Variants in SLC29A3 observed in about 807,000 individuals in gnomAD.
SLC29A3 encodes the protein solute carrier family 29 member 3.
Under a neutral mutation model 25.4 loss-of-function variants are expected in SLC29A3, and 18 were observed. The ratio of observed to expected loss-of-function variants is 0.71; its 90% CI spans 0.49 to 1.05. The LOEUF (loss-of-function observed/expected upper bound fraction) is 1.05. Ranked by LOEUF, SLC29A3 falls within the 50% of genes least tolerant of loss-of-function variation. The probability of loss-of-function intolerance (pLI) is 0.00; values close to 1 mark genes in which losing one functional copy is unlikely to be tolerated. For missense variants in SLC29A3, 586 were observed against 609.0 expected (o/e 0.96, Z 0.40); for synonymous variants, 258 against 267.1 (o/e 0.97, Z 0.33).
At chr10:71,356,922 A>G (rs1049945552) in intron 5 of SLC29A3, among the ~76,000 whole-genome samples, 5 of 152,226 alleles carry the variant, frequency 3.3e-5, no homozygotes, top group African/African-American at 1.2e-4. Flanking sequence ...TGCACAGATT[A>G]GAAAACCAGG....
At chr10:71,354,752 T>C (rs780679) in intron 4 of SLC29A3, among the ~76,000 whole-genome samples, 106,123 of 151,972 alleles carry the variant, frequency 0.7, 37,938 homozygotes, top group Non-Finnish European at 0.78. Flanking sequence ...AGCTCATCCA[T>C]CAGGCCCTTC....
chr10:71,346,315 C>T (rs1846579214), intron 3 of SLC29A3, among the ~76,000 whole-genome samples: 1 of 152,188 alleles, frequency 6.6e-6, no homozygotes, highest in South Asian at 2.1e-4. Context: ...ACCCTCACGG[C>T]AGCCTAAGAG....
chr10:71,344,981 G>T (rs1050746426), intron 3 of SLC29A3, among the ~76,000 whole-genome samples: 1 of 152,160 alleles, frequency 6.6e-6, no homozygotes, highest in Non-Finnish European at 1.5e-5. Flanking sequence ...GTCACTGATA[G>T]CAAATCTGTT....
At chr10:71,354,852 C>T (rs1846855978) in intron 4 of SLC29A3, among the ~76,000 whole-genome samples, 1 of 152,200 alleles carries the variant, frequency 6.6e-6, no homozygotes, top group African/African-American at 2.4e-5. Flanking sequence ...CTGTGATGAA[C>T]AGGACAAGTG....
At chr10:71,355,859 G>A (rs1452370609) in intron 4 of SLC29A3, among the ~76,000 whole-genome samples, 1 of 152,256 alleles carries the variant, frequency 6.6e-6, no homozygotes, top group Non-Finnish European at 1.5e-5. Flanking sequence ...AAGTCCAGCA[G>A]AGGGAGGGGA....
chr10:71,362,382 G>A lies in SLC29A3; in HGVS notation c.1202G>A (p.Arg401His), dbSNP rs199861210. The change falls in exon 6 of 6, where the codon CGC becomes CAC. Residue 401 changes from arginine (R) to histidine (H), a missense_variant. Arg to His is a conservative substitution (Grantham distance 29). Transcript: ENST00000373189. ...TTCGTGCTCTGTAACTACCAGCCCC[G>A]CGTCCACCTGAAGACTGTGGTCTTC... ...PLFVLCNYQP[R>H]VHLKTVVFQS... 484 of 1,614,102 alleles carry A rather than the reference G, an allele frequency of 3.0e-4. No individual in the cohort carries two copies. Among genetic ancestry groups the A allele is most frequent in the Non-Finnish European group, 3.6e-4 (428 of 1,180,024 alleles).
intron 1 of SLC29A3, 139 bp from the exon 2 acceptor site, chr10:71,322,617 C>G: frequency 1.0e-6 from 1 of 997,958 alleles, no homozygotes; most frequent in Non-Finnish European, 1.6e-6. Context: ...ATGAAGCTCT[C>G]CAACCAGGCT....
chr10:71,349,783 C>T (rs1846702385), intron 3 of SLC29A3, among the ~76,000 whole-genome samples: 2 of 152,154 alleles, frequency 1.3e-5, no homozygotes, highest in Admixed American at 6.5e-5. Flanking sequence ...CTGAACATGC[C>T]TCACTCTCTC....
intron 4 of SLC29A3, among the ~76,000 whole-genome samples, chr10:71,354,182 G>C (rs1317226010): frequency 6.6e-6 from 1 of 152,180 alleles, no homozygotes; most frequent in Admixed American, 6.5e-5. Flanking sequence ...TCCGCACCAG[G>C]CAGGCTTCTG....
In SLC29A3 at chr10:71,351,662, C is replaced by G; in HGVS notation, c.484C>G (p.Arg162Gly). 4 of 1,614,168 alleles carry G rather than the reference C, an allele frequency of 2.5e-6. No homozygotes were observed. Among genetic ancestry groups the G allele is most frequent in the Non-Finnish European group, 1.7e-6 (2 of 1,179,996 alleles). ...GAAGGTGGACACTTCCTCCTGGACC[C>G]GTGGCTTTTTTGCGGTCACCATTGT... ...LVKVDTSSWT[R>G]GFFAVTIVCM... Residue 162 changes from arginine to glycine, a missense_variant, in exon 4 of 6, where the codon CGT (arginine) becomes GGT (glycine). By Grantham distance (125) the Arg-to-Gly change is moderately radical (BLOSUM62 -2). Transcript: ENST00000373189.
chr10:71,344,393 G>C lies in SLC29A3; in HGVS notation c.383+102G>C, dbSNP rs888261951. On this transcript the variant is annotated intron_variant, in intron 3 of 5. Coordinates refer to ENST00000373189, the MANE Select transcript of SLC29A3 (RefSeq NM_018344.6). ...CTTTTTTTCTGCCTACTTAAGTGGT[G>C]GTCACCAAAGTAGGATGCAGCAGCT... 43 of 859,968 alleles carry C rather than the reference G, an allele frequency of 5.0e-5. No homozygotes were observed. The African/African-American group carries it at 6.6e-4, about 13-fold the overall frequency. 53.3% of individuals were successfully genotyped at this position (859,968 alleles called of 1,614,324 possible).
chr10:71,375,050 C>T (rs1287974731), intron 3 of SLC29A3, among the ~76,000 whole-genome samples: 4 of 152,188 alleles, frequency 2.6e-5, no homozygotes, highest in Non-Finnish European at 5.9e-5. Flanking sequence ...GGAGGAATAG[C>T]GCAGGTGGGA....
rs1846771400 is a variant in SLC29A3 at position 71,351,782 on chromosome 10, A to G, written c.604A>G (p.Ile202Val). The G allele has an allele frequency of 6.2e-7, 1 of 1,611,306 alleles. No individual in the cohort carries two copies. The highest frequency in any genetic ancestry group is 8.5e-7 in the Non-Finnish European group (1 of 1,179,460). ...TCCTATGAGGAACTCCCAGGCACTG[A>G]TATCAGGTGAGAGCCAGGGTCCGGG... ...SFPMRNSQAL[I>V]SGGAMGGTVS... is the part of the protein sequence containing the mutation. The change falls in exon 4 of 6, where the codon ATA becomes GTA. Residue 202 changes from isoleucine to valine, a missense_variant. Coordinates refer to ENST00000373189, the MANE Select transcript of SLC29A3 (RefSeq NM_018344.6).
At position 71,332,211 on chromosome 10, in the gene SLC29A3, C is replaced by T. The variant is rs1054169099; in HGVS notation, c.300+9157C>T. ...TCGCCGAGGTTGGAGTGCAGTAGTGCGATCTTGGCTCCTGGGTTCACTCTG... is the reference window on the plus strand; with the variant it reads ...TCGCCGAGGTTGGAGTGCAGTAGTGTGATCTTGGCTCCTGGGTTCACTCTG... On this transcript the variant is annotated intron_variant, in intron 2 of 5. Coordinates refer to ENST00000373189, the MANE Select transcript of SLC29A3 (RefSeq NM_018344.6). Among the ~76,000 whole-genome samples the T allele has an allele frequency of 9.7e-5, 14 of 144,828 alleles. 1 individual carries two copies. The highest frequency in any genetic ancestry group is 4.3e-4 in the South Asian group (2 of 4,650).
At chr10:71,331,081 G>T (rs1846107205) in intron 2 of SLC29A3, among the ~76,000 whole-genome samples, 1 of 152,028 alleles carries the variant, frequency 6.6e-6, no homozygotes, top group South Asian at 2.1e-4. Flanking sequence ...TGTCTCACCT[G>T]GCAAGATATT....
At chr10:71,331,035 T>G (rs1200401664) in intron 2 of SLC29A3, among the ~76,000 whole-genome samples, 2 of 152,184 alleles carry the variant, frequency 1.3e-5, no homozygotes, top group Non-Finnish European at 2.9e-5. Context: ...CAGTGCTTTA[T>G]ATCAGCATTT....
At position 71,355,980 on chromosome 10, in the gene SLC29A3, G is replaced by C. The variant is rs533852467; in HGVS notation, c.611-101G>C. ...GAGCTTTGGCATTTTTCGCACGGAG[G>C]AATTTTTATTTTGGTTTGTGAAACC... On this transcript the variant is annotated intron_variant, in intron 4 of 5. Coordinates refer to ENST00000373189, the MANE Select transcript of SLC29A3 (RefSeq NM_018344.6). The C allele has an allele frequency of 3.6e-6, 5 of 1,400,042 alleles. No homozygotes were observed. The South Asian group carries it at 5.8e-5, about 16-fold the overall frequency. 86.7% of individuals were successfully genotyped at this position (1,400,042 alleles called of 1,614,324 possible).
chr10:71,368,243 AT>A (rs144427264), downstream of SLC29A3, among the ~76,000 whole-genome samples: 2,433 of 152,296 alleles, frequency 0.016, 68 homozygotes, highest in African/African-American at 0.056. Flanking sequence ...TCTAAAAAAA[AT>A]AAAAAATAAA....
At chr10:71,367,670 C>A (rs961022489), downstream of SLC29A3, among the ~76,000 whole-genome samples, 1 of 152,204 alleles carries the variant, frequency 6.6e-6, no homozygotes, top group Non-Finnish European at 1.5e-5. Context: ...CTGGGCTTGA[C>A]CCTGAAGGAG....
Sources: allele counts gnomAD v4.1 joint callset (sites outside exome capture counted in the v4.1 genomes callset), GRCh38; gene constraint gnomAD v4.1.1; transcripts MANE v1.5; gene names NCBI Gene and HGNC (gene_info 2026-07-23, HGNC 2026-07-21).